TGFBR3: variants seen among roughly 807,000 people sequenced by gnomAD.
TGFBR3 encodes the protein transforming growth factor beta receptor 3.
In TGFBR3, 46 loss-of-function variants were observed where a neutral mutation model predicts 87.9. The ratio of observed to expected loss-of-function variants is 0.52; its 90% CI spans 0.41 to 0.67. The LOEUF (loss-of-function observed/expected upper bound fraction) is 0.67. Ranked by LOEUF, TGFBR3 falls within the 30% of genes least tolerant of loss-of-function variation. TGFBR3 has a pLI of 0.00. For missense variants in TGFBR3, 866 were observed against 1,041.9 expected (o/e 0.83, Z 2.32); for synonymous variants, 381 against 391.6 (o/e 0.97, Z 0.32).
Position 91,718,710 on chromosome 1 carries a change from C to T in TGFBR3, c.1566+602G>A, listed in dbSNP as rs142549918. 3.2e-3 allele frequency among the ~76,000 whole-genome samples: 480 copies of T among 152,248 alleles called. 6 individuals carry two copies. The highest frequency in any genetic ancestry group is 0.011 in the African/African-American group (453 of 41,526). On this transcript the variant is annotated intron_variant, in intron 10 of 16. Coordinates refer to ENST00000212355, the MANE Select transcript of TGFBR3 (RefSeq NM_003243.5). ...GGAAAATGCAGCTTAGCTATTGCAA[C>T]GGTTTATCATTGGGGGAAATCTGTG... is the stretch of plus-strand genomic sequence containing the variant.
At chr1:91,754,880 T>C (rs1324279703) in intron 4 of TGFBR3, 2 of 152,124 alleles carry the variant, frequency 1.3e-5, no homozygotes, top group Non-Finnish European at 2.9e-5. Context: ...ACTTTTCTCA[T>C]TGCCCTATTT....
chr1:91,842,458 T>C (rs1677321829), intron 2 of TGFBR3, among the ~76,000 whole-genome samples: 1 of 152,192 alleles, frequency 6.6e-6, no homozygotes, highest in East Asian at 1.9e-4. Context: ...CCGCCACCGT[T>C]CTTGAGCATT....
intron 12 of TGFBR3, 36 bp from the exon 13 acceptor site, chr1:91,712,578 T>C (rs1672021719): frequency 6.2e-7 from 1 of 1,606,340 alleles, no homozygotes. Flanking sequence ...AGGAAATGAG[T>C]TAGCATCTCA....
At chr1:91,774,829 A>G (rs2100943802) in intron 3 of TGFBR3, among the ~76,000 whole-genome samples, 1 of 152,340 alleles carries the variant, frequency 6.6e-6, no homozygotes, top group South Asian at 2.1e-4. Context: ...CTACTCCAGA[A>G]GCAAAGGAAT....
At chr1:91,875,170 C>A (rs944776263) in intron 1 of TGFBR3, among the ~76,000 whole-genome samples, 6 of 151,872 alleles carry the variant, frequency 4.0e-5, no homozygotes, top group South Asian at 2.1e-4. Context: ...GGGAATCTGC[C>A]GAAGGAAAAA....
rs370725782 is a variant in TGFBR3 at position 91,730,471 on chromosome 1, A to G, written c.569-498T>C. Among the ~76,000 whole-genome samples the G allele has an allele frequency of 3.9e-5, 6 of 152,166 alleles. No homozygotes were observed. In the South Asian group the frequency reaches 8.3e-4, roughly 21 times the overall value. On this transcript the variant is annotated intron_variant, in intron 5 of 16. Transcript: ENST00000212355. ...CTCATTCTTTTTCTAGGTGATCTCA[A>G]TCACTCCCATGGTTTCAACCTGTAC...
rs1238104442 is a variant in TGFBR3 at position 91,779,200 on chromosome 1, C to A, written c.246+18087G>T. Among the ~76,000 whole-genome samples the A allele has an allele frequency of 2.0e-5, 3 of 152,190 alleles. No homozygotes were observed. The East Asian group carries it at 5.8e-4, about 29-fold the overall frequency. On this transcript the variant is annotated intron_variant, in intron 3 of 16. Transcript: ENST00000212355. ...GACGGAAGTCTTTCAAAAGATCATG[C>A]TGGCTGCCACTTAGAGAATAGATCT...
intron 2 of TGFBR3, among the ~76,000 whole-genome samples, chr1:91,827,551 G>C (rs777166117): frequency 6.6e-6 from 1 of 152,172 alleles, no homozygotes; most frequent in African/African-American, 2.4e-5. Context: ...CCCAAAGGAT[G>C]AGCAGGGAGA....
At chr1:91,725,416 T>C (rs1422665672) in intron 7 of TGFBR3, among the ~76,000 whole-genome samples, 1 of 152,228 alleles carries the variant, frequency 6.6e-6, no homozygotes, top group Non-Finnish European at 1.5e-5. Flanking sequence ...ATGAACCCCC[T>C]TTTTATGGCA....
intron 2 of TGFBR3, among the ~76,000 whole-genome samples, chr1:91,810,983 G>C (rs533161191): frequency 6.6e-6 from 1 of 152,278 alleles, no homozygotes; most frequent in African/African-American, 2.4e-5. Context: ...AGGATGAAAA[G>C]AAAATATGAT....
At chr1:91,755,739 C>T (rs1379265229) in intron 4 of TGFBR3, among the ~76,000 whole-genome samples, 3 of 152,168 alleles carry the variant, frequency 2.0e-5, no homozygotes, top group Non-Finnish European at 2.9e-5. Context: ...GAGTAAGACA[C>T]TTTCCGTCAA....
intron 2 of TGFBR3, among the ~76,000 whole-genome samples, chr1:91,897,022 A>G (rs147324518): frequency 7.4e-4 from 113 of 152,154 alleles, no homozygotes; most frequent in African/African-American, 2.6e-3. Context: ...CAGACATTCA[A>G]CTTTTTAAAA....
chr1:91,841,284 T>C (rs928035240), intron 2 of TGFBR3, among the ~76,000 whole-genome samples: 1 of 152,226 alleles, frequency 6.6e-6, no homozygotes, highest in Non-Finnish European at 1.5e-5. Context: ...TACTTTGGAA[T>C]GCAGAAATGC....
intron 3 of TGFBR3, among the ~76,000 whole-genome samples, chr1:91,782,437 C>A (rs890944860): frequency 6.6e-6 from 1 of 152,202 alleles, no homozygotes; most frequent in Non-Finnish European, 1.5e-5. Flanking sequence ...TGTGTCCCAA[C>A]GGACCTTTGG....
intron 14 of TGFBR3, among the ~76,000 whole-genome samples, chr1:91,706,864 T>C (rs1671816133): frequency 6.6e-6 from 1 of 152,218 alleles, no homozygotes; most frequent in South Asian, 2.1e-4. Flanking sequence ...CAACACAATT[T>C]ATATTCTTAT....
At chr1:91,802,501 C>A (rs777587690) in intron 2 of TGFBR3, among the ~76,000 whole-genome samples, 3 of 151,994 alleles carry the variant, frequency 2.0e-5, no homozygotes, top group Admixed American at 6.5e-5. Context: ...GCTAGGATTA[C>A]AGGCGCCCGC....
intron 8 of TGFBR3, among the ~76,000 whole-genome samples, chr1:91,721,281 C>T (rs1434422838): frequency 2.0e-5 from 3 of 152,184 alleles, no homozygotes; most frequent in Admixed American, 6.5e-5. Context: ...CTATTATTTT[C>T]CCCTTATTAC....
At chr1:91,838,597 TACAGGC>T (rs1256840199) in intron 2 of TGFBR3, among the ~76,000 whole-genome samples, 5 of 151,128 alleles carry the variant, frequency 3.3e-5, no homozygotes, top group Non-Finnish European at 7.4e-5. Context: ...TAGCTGGGAC[TACAGGC>T]ACCCGTCATC....
intron 16 of TGFBR3, among the ~76,000 whole-genome samples, chr1:91,692,894 G>A (rs757251236): frequency 2.0e-4 from 30 of 152,212 alleles, no homozygotes; most frequent in Non-Finnish European, 3.7e-4. Flanking sequence ...CAAAGGAAAA[G>A]TTATTCAAAT....
Sources: gnomAD v4.1 joint callset for allele counts (sites outside exome capture counted in the v4.1 genomes callset) on GRCh38, gnomAD v4.1.1 for gene constraint, MANE v1.5 for transcripts, NCBI Gene and HGNC (gene_info 2026-07-23, HGNC 2026-07-21) for gene names.